FAT1: variants seen among roughly 807,000 people sequenced by gnomAD.
The protein encoded by FAT1 is protocadherin Fat 1.
FAT1 carries 171 observed loss-of-function variants against 329.8 expected under a neutral mutation model. The ratio of observed to expected loss-of-function variants is 0.52; its 90% CI spans 0.46 to 0.59. The LOEUF (loss-of-function observed/expected upper bound fraction) is 0.59, where lower values mean the gene tolerates loss of function less well. Ranked by LOEUF, FAT1 falls within the 20% of genes least tolerant of loss-of-function variation. The pLI is 0.00. For synonymous variants in FAT1, 2,233 were observed against 2,228.6 expected, an observed-to-expected ratio of 1.00 and a Z score of -0.06; for missense variants, 5,672 against 5,774.4, an observed-to-expected ratio of 0.98 and a Z score of 0.57.
In FAT1 at chr4:186,707,077, T is replaced by C. The variant is rs779013792; in HGVS notation, c.2751A>G (p.Leu917=). 20 of 1,614,018 alleles carry C rather than the reference T, an allele frequency of 1.2e-5. No homozygotes were observed. In the Admixed American group the frequency reaches 3.2e-4, roughly 26 times the overall value. Residue 917 remains leucine, a synonymous_variant, in exon 2 of 27, where the codon CTA becomes CTG. Transcript: ENST00000441802. ...TAGGTGGGTTGTCATTAACATCTTC[T>C]AGTGATACTTTCACAACGACAGTGG... The part of the protein sequence containing the change: ...LFSTVVVKVS[L]EDVNDNPPTF...
At chr4:186,666,722 A>G (rs749701619) in intron 2 of FAT1, among the ~76,000 whole-genome samples, 1 of 152,240 alleles carries the variant, frequency 6.6e-6, no homozygotes. Flanking sequence ...CTCAGTGTTT[A>G]CTAAATGCCA....
intron 2 of FAT1, among the ~76,000 whole-genome samples, chr4:186,675,019 G>C (rs1309875728): frequency 6.6e-6 from 1 of 152,130 alleles, no homozygotes; most frequent in Non-Finnish European, 1.5e-5. Context: ...GGGCAACAGA[G>C]TGAGACCTTG....
chr4:186,656,925 C>T (rs554271672), intron 3 of FAT1, among the ~76,000 whole-genome samples: 1 of 152,214 alleles, frequency 6.6e-6, no homozygotes, highest in African/African-American at 2.4e-5. Context: ...AAAGCAATAG[C>T]TGACCTTCCA....
intron 7 of FAT1, among the ~76,000 whole-genome samples, chr4:186,632,967 C>T (rs188963683): frequency 7.9e-4 from 121 of 152,270 alleles, no homozygotes; most frequent in African/African-American, 2.7e-3. Flanking sequence ...TACTATTCAC[C>T]TTCCAGAATG....
Position 186,588,797 on chromosome 4 carries a change from G to A in FAT1, c.13562C>T (p.Pro4521Leu), listed in dbSNP as rs1253515644. ...TCREPHAPYP[P>L]GYQRHFEAPA... is the part of the protein sequence containing the mutation. ...CGCCTCGAAGTGTCTTTGATACCCTGGCGGGTAAGGGGCATGGGGTTCTCT... is the reference window on the plus strand; with the variant it reads ...CGCCTCGAAGTGTCTTTGATACCCTAGCGGGTAAGGGGCATGGGGTTCTCT... Residue 4521 changes from proline to leucine, a missense_variant, in exon 27 of 27, where the codon CCA becomes CTA. Transcript: ENST00000441802. The A allele has an allele frequency of 3.1e-6, 5 of 1,613,860 alleles. No homozygotes were observed. The highest frequency in any genetic ancestry group is 4.2e-6 in the Non-Finnish European group (5 of 1,179,882).
chr4:186,689,837 C>T (rs182867528), intron 2 of FAT1, among the ~76,000 whole-genome samples: 86 of 152,302 alleles, frequency 5.6e-4, no homozygotes, highest in African/African-American at 2.0e-3. Context: ...TCAAGCCTTG[C>T]TTTGTTGGTG....
intron 5 of FAT1, 24 bp downstream of exon 5, chr4:186,636,561 T>C: frequency 1.3e-6 from 2 of 1,553,466 alleles, no homozygotes; most frequent in Non-Finnish European, 1.7e-6. Flanking sequence ...TATGAAAAAT[T>C]ACAGTACTAC....
chr4:186,591,331 T>C (rs1738230097), intron 26 of FAT1, among the ~76,000 whole-genome samples: 1 of 152,238 alleles, frequency 6.6e-6, no homozygotes, highest in African/African-American at 2.4e-5. Context: ...AAATATTTGA[T>C]TGATAGTTCA....
intron 12 of FAT1, 85 bp downstream of exon 12, chr4:186,614,106 C>A (rs1739590744): frequency 8.1e-7 from 1 of 1,237,242 alleles, no homozygotes; most frequent in Non-Finnish European, 1.1e-6. Flanking sequence ...AATGTAATTT[C>A]AAATTTTGTG....
Position 186,707,884 on chromosome 4 carries a change from T to A in FAT1, c.1944A>T (p.Thr648=). 2 of 1,613,998 alleles carry A rather than the reference T, an allele frequency of 1.2e-6. No individual in the cohort carries two copies. The highest frequency in any genetic ancestry group is 1.7e-6 in the Non-Finnish European group (2 of 1,179,910). Residue 648 remains threonine, a synonymous_variant, in exon 2 of 27, where the codon ACA becomes ACT. Coordinates refer to ENST00000441802, the MANE Select transcript of FAT1 (RefSeq NM_005245.4). ...VSFHSLRITA[T]DGENFATPLY... The stretch of plus-strand genomic sequence containing the variant: ...ATGGTGTGGCAAAATTTTCTCCATC[T>A]GTAGCTGTGATTCTCAGACTGTGGA...
In FAT1 at chr4:186,618,113, C is replaced by T. The variant is rs202043464; in HGVS notation, c.8473G>A (p.Gly2825Arg). ...EAFIVENLPG[G>R]SRVIQIRASD... Reference sequence around the variant, plus strand: ...GCCCTGATCTGAATTACTCTACTTCCCCCTGGCAGGTTTTCAACAATGAAT... The same window carrying T: ...GCCCTGATCTGAATTACTCTACTTCTCCCTGGCAGGTTTTCAACAATGAAT... Residue 2825 changes from glycine to arginine, a missense_variant, in exon 10 of 27, where the codon GGA (glycine) becomes AGA (arginine). This residue lies in a region of FAT1 where 3,966 missense variants were observed against 3,915.2 expected (regional missense o/e 1.01). Transcript: ENST00000441802. 1.7e-4 allele frequency: 281 copies of T among 1,613,906 alleles called. 2 individuals are homozygous for T. The highest frequency in any genetic ancestry group is 2.0e-4 in the Admixed American group (12 of 60,004).
At position 186,708,610 on chromosome 4, in the gene FAT1, A is replaced by G. The variant is rs747987609; in HGVS notation, c.1218T>C (p.Pro406=). ...AATTTAAACTGAATTTAGCTTTTCCAGGTGTACTTTTAAAAACATACCTCA... is the reference window on the plus strand; with the variant it reads ...AATTTAAACTGAATTTAGCTTTTCCGGGTGTACTTTTAAAAACATACCTCA... ...SHLRYVFKST[P]GKAKFSLNYN... Residue 406 remains proline, a synonymous_variant, in exon 2 of 27, where the codon CCT becomes CCC. Transcript: ENST00000441802. The G allele has an allele frequency of 3.7e-6, 6 of 1,613,996 alleles. No individual in the cohort carries two copies. The highest frequency in any genetic ancestry group is 3.4e-6 in the Non-Finnish European group (4 of 1,179,892).
At chr4:186,664,169 A>G (rs1367664127) in intron 2 of FAT1, among the ~76,000 whole-genome samples, 1 of 152,120 alleles carries the variant, frequency 6.6e-6, no homozygotes, top group Non-Finnish European at 1.5e-5. Flanking sequence ...TCCTCCAGAA[A>G]GCTCGGTCTG....
At chr4:186,599,820 T>TA (rs1159549473) in intron 22 of FAT1, 78 bp downstream of exon 22, 3 of 1,137,202 alleles carry the variant, frequency 2.6e-6, no homozygotes, top group African/African-American at 3.1e-5. Context: ...GAGAAAAAAA[T>TA]AAAAAAATAC....
At chr4:186,660,839 A>T (rs1234797837) in intron 3 of FAT1, among the ~76,000 whole-genome samples, 2 of 152,192 alleles carry the variant, frequency 1.3e-5, no homozygotes, top group South Asian at 2.1e-4. Context: ...AGGGTTTTCA[A>T]GGCTCCCCAC....
intron 2 of FAT1, among the ~76,000 whole-genome samples, chr4:186,675,779 T>TA (rs1491294159): frequency 1.8e-5 from 2 of 111,456 alleles, no homozygotes; most frequent in Non-Finnish European, 3.5e-5. Context: ...CGACCCTGTC[T>TA]AAAACACACA....
chr4:186,589,577 C>G (rs1738142204), intron 26 of FAT1, among the ~76,000 whole-genome samples: 1 of 152,204 alleles, frequency 6.6e-6, no homozygotes, highest in African/African-American at 2.4e-5. Flanking sequence ...GTAGAACCCA[C>G]TGCTCTGTAG....
intron 2 of FAT1, among the ~76,000 whole-genome samples, chr4:186,699,283 AC>A (rs1370006143): frequency 6.6e-6 from 1 of 152,162 alleles, no homozygotes; most frequent in African/African-American, 2.4e-5. Context: ...AAAACAAAAA[AC>A]CAATTGATTT....
rs949620650 is a variant in FAT1 at position 186,611,323 on chromosome 4, G to A, written c.9853+63C>T. On this transcript the variant is annotated intron_variant, in intron 14 of 26. Transcript: ENST00000441802. The stretch of plus-strand genomic sequence containing the variant: ...GGGTCACTTAATACAAGGCAACGTG[G>A]TTAAGCAAATCTAGTTTTCTTGGTG... The A allele has an allele frequency of 5.4e-6, 8 of 1,479,844 alleles. No individual in the cohort carries two copies. In the African/African-American group the frequency reaches 1.1e-4, roughly 21 times the overall value. 91.7% of individuals were successfully genotyped at this position (1,479,844 alleles called of 1,614,324 possible). A position where few individuals can be genotyped will look rare whatever the true frequency, so the allele number is the denominator to read the frequency against.
Sources: allele counts gnomAD v4.1 joint callset (sites outside exome capture counted in the v4.1 genomes callset), GRCh38; gene constraint gnomAD v4.1.1; regional missense constraint gnomAD v4.1.1; transcripts MANE v1.5; gene names NCBI Gene and HGNC (gene_info 2026-07-23, HGNC 2026-07-21).